UNC93A: variants seen among roughly 807,000 people sequenced by gnomAD.
UNC93A encodes N-acetylglucosamine transporter UNC93A.
Under a neutral mutation model 47.5 loss-of-function variants are expected in UNC93A, and 43 were observed. The observed-to-expected ratio is 0.91, with a 90% CI of 0.71 to 1.17. UNC93A has a LOEUF of 1.17. UNC93A is among the 50% of genes most tolerant of loss of function. The pLI is 0.00. For synonymous variants in UNC93A, 280 were observed against 258.0 expected (o/e 1.09, Z -0.82); for missense variants, 605 against 577.6 (o/e 1.05, Z -0.49).
chr6:167,284,023 G>A (rs1408455617), intron 1 of UNC93A, among the ~76,000 whole-genome samples: 5 of 152,242 alleles, frequency 3.3e-5, no homozygotes, highest in South Asian at 2.1e-4. Flanking sequence ...GAGCCTGTAC[G>A]TTCTACTAAA....
intron 1 of UNC93A, among the ~76,000 whole-genome samples, chr6:167,292,301 G>A (rs1011545365): frequency 2.0e-5 from 3 of 152,152 alleles, no homozygotes; most frequent in Non-Finnish European, 4.4e-5. Context: ...CTGTGGCCTG[G>A]TGTGGTCACA....
chr6:167,300,209 C>A (rs1458920088), intron 4 of UNC93A, among the ~76,000 whole-genome samples: 1 of 152,104 alleles, frequency 6.6e-6, no homozygotes, highest in Non-Finnish European at 1.5e-5. Flanking sequence ...CAAGTGTGGA[C>A]GTGGAGGCAT....
chr6:167,294,719 G>GGCCCCC, intron 2 of UNC93A, 21 bp downstream of exon 2: 1 of 1,562,316 alleles, frequency 6.4e-7, no homozygotes, highest in Non-Finnish European at 8.7e-7. Flanking sequence ...ACCACCCCCT[G>GGCCCCC]CCCACCCCAC....
intron 7 of UNC93A, among the ~76,000 whole-genome samples, chr6:167,311,788 G>A (rs1583096585): frequency 6.6e-6 from 1 of 152,408 alleles, no homozygotes; most frequent in Non-Finnish European, 1.5e-5. Flanking sequence ...AGTTGCAAAT[G>A]TAGTACAGAG....
chr6:167,311,925 C>A (rs1219616433), intron 7 of UNC93A, among the ~76,000 whole-genome samples: 1 of 152,180 alleles, frequency 6.6e-6, no homozygotes, highest in Non-Finnish European at 1.5e-5. Context: ...AGTAACGCTG[C>A]CATGTGACAG....
intron 1 of UNC93A, among the ~76,000 whole-genome samples, chr6:167,293,777 C>T (rs1447774045): frequency 2.0e-5 from 3 of 152,202 alleles, no homozygotes; most frequent in Non-Finnish European, 4.4e-5. Context: ...TGGCACCTCC[C>T]CCTGTAGCCA....
intron 3 of UNC93A, 119 bp downstream of exon 3, chr6:167,296,380 T>A: frequency 9.2e-7 from 1 of 1,083,390 alleles, no homozygotes; most frequent in Non-Finnish European, 1.4e-6. Flanking sequence ...AGCAGGTGAG[T>A]CAGGCCCCAC....
chr6:167,294,529 A>T lies in UNC93A; in HGVS notation c.100A>T (p.Ser34Cys). ...TTTGTTCCCACAGAGCAGCCTGTAC[A>T]GCGAGGAGGGCCTGGGTGTCACAGC... ...GLQSLQSSLY[S>C]EEGLGVTALS... The change falls in exon 2 of 8, where the codon AGC becomes TGC. Residue 34 changes from serine to cysteine, a missense_variant. Physicochemically the swap from Ser to Cys is moderately radical, Grantham distance 112. Transcript: ENST00000230256. The T allele has an allele frequency of 6.2e-7, 1 of 1,614,000 alleles. No homozygotes were observed. The highest frequency in any genetic ancestry group is 8.5e-7 in the Non-Finnish European group (1 of 1,179,974).
chr6:167,285,479 C>T (rs1411022247), intron 1 of UNC93A, among the ~76,000 whole-genome samples: 2 of 151,774 alleles, frequency 1.3e-5, no homozygotes, highest in African/African-American at 2.4e-5. Context: ...TGAGCCGGGA[C>T]TCACACTGCA....
chr6:167,302,976 G>A (rs541336478), intron 4 of UNC93A, among the ~76,000 whole-genome samples: 12 of 152,258 alleles, frequency 7.9e-5, no homozygotes, highest in African/African-American at 1.4e-4. Context: ...CAGCGTGTCC[G>A]CACCATAGAT....
chr6:167,311,099 C>T (rs1778543688), intron 7 of UNC93A, among the ~76,000 whole-genome samples: 3 of 152,174 alleles, frequency 2.0e-5, no homozygotes. Context: ...TCAAGAACAG[C>T]TCTCTTCATT....
chr6:167,304,082 G>A lies in UNC93A; in HGVS notation c.789G>A (p.Leu263=), dbSNP rs771636729. The change falls in exon 5 of 8, where the codon CTG becomes CTA. Residue 263 remains leucine (L), a synonymous_variant. Coordinates refer to ENST00000230256, the MANE Select transcript of UNC93A (RefSeq NM_018974.4). ...RDKRLCLLIL[L]PLYSGLQQGF... ...AACGTCTGTGCCTCTTAATTCTGCT[G>A]CCGCTGTACAGTGGATTGCAGCAAG... 7.4e-6 allele frequency: 12 copies of A among 1,614,158 alleles called. No individual in the cohort carries two copies. In the Admixed American group the frequency reaches 1.2e-4, roughly 16 times the overall value.
chr6:167,297,426 C>G (rs1778117632), intron 3 of UNC93A, among the ~76,000 whole-genome samples: 1 of 152,186 alleles, frequency 6.6e-6, no homozygotes, highest in African/African-American at 2.4e-5. Context: ...GAGATTCTGA[C>G]AGGACTTCTG....
intron 1 of UNC93A, among the ~76,000 whole-genome samples, chr6:167,282,250 G>C (rs909226998): frequency 6.6e-6 from 1 of 152,102 alleles, no homozygotes; most frequent in Non-Finnish European, 1.5e-5. Context: ...GGGTCTAGAG[G>C]TTCTACTCTC....
Position 167,305,987 on chromosome 6 carries a change from C to T in UNC93A, c.913C>T (p.Leu305=), listed in dbSNP as rs1778377958. The change falls in exon 6 of 8, where the codon CTG becomes TTG. Residue 305 remains leucine, a synonymous_variant. Transcript: ENST00000230256. The part of the protein sequence containing the change: ...VMICFSATDA[L]CSVLYGKVSQ... ...GATCTGCTTCTCGGCCACTGACGCGCTGTGCTCCGTGTTGTATGGAAAGGT... is the reference window on the plus strand; with the variant it reads ...GATCTGCTTCTCGGCCACTGACGCGTTGTGCTCCGTGTTGTATGGAAAGGT... 6.2e-7 allele frequency: 1 copy of T among 1,614,232 alleles called. No individual in the cohort carries two copies. The highest frequency in any genetic ancestry group is 8.5e-7 in the Non-Finnish European group (1 of 1,180,054).
At chr6:167,311,443 C>T (rs1397357667) in intron 7 of UNC93A, among the ~76,000 whole-genome samples, 3 of 152,236 alleles carry the variant, frequency 2.0e-5, no homozygotes, top group Admixed American at 6.5e-5. Context: ...CTGCTTATTC[C>T]CTCAGACAGC....
chr6:167,313,505 G>A (rs1250869626), intron 7 of UNC93A, among the ~76,000 whole-genome samples: 1 of 152,038 alleles, frequency 6.6e-6, no homozygotes, highest in Admixed American at 6.6e-5. Flanking sequence ...GGAGATGGTG[G>A]GGGGGCTGGG....
In UNC93A at chr6:167,308,365, C is replaced by G. The variant is rs377329484; in HGVS notation, c.1108+455C>G. ...CGATGGGAGGTGGCAGTGTGAGCCA[C>G]AAGCCACACACATCACAGGTCACTA... On this transcript the variant is annotated intron_variant, in intron 7 of 7. Transcript: ENST00000230256. 1.7e-4 allele frequency among the ~76,000 whole-genome samples: 26 copies of G among 152,262 alleles called. No homozygotes were observed. The East Asian group carries it at 4.6e-3, about 27-fold the overall frequency.
Position 167,315,469 on chromosome 6 carries a change from G to A in UNC93A, c.*17G>A. On this transcript the variant is annotated 3_prime_UTR_variant, in exon 8 of 8. Transcript: ENST00000230256. ...AAAATGTGAGAGCAGTGAGGTCCGAGGAGGATGAACTCAGAAAGCACCAGC... is the reference window on the plus strand; with the variant it reads ...AAAATGTGAGAGCAGTGAGGTCCGAAGAGGATGAACTCAGAAAGCACCAGC... The A allele has an allele frequency of 6.2e-7, 1 of 1,613,870 alleles. No individual in the cohort carries two copies. The highest frequency in any genetic ancestry group is 1.1e-5 in the South Asian group (1 of 91,066).
Sources: allele counts gnomAD v4.1 joint callset (sites outside exome capture counted in the v4.1 genomes callset), GRCh38; gene constraint gnomAD v4.1.1; transcripts MANE v1.5; gene names NCBI Gene and HGNC (gene_info 2026-07-23, HGNC 2026-07-21).